Variants in FRY observed in about 807,000 individuals in gnomAD.
FRY encodes the protein FRY microtubule binding protein, also known as protein furry homolog.
In FRY, 128 loss-of-function variants were observed where a neutral mutation model predicts 348.4. That is an observed-to-expected ratio of 0.37 (90% CI 0.32 to 0.43). The LOEUF (loss-of-function observed/expected upper bound fraction) is 0.43. Ranked by LOEUF, FRY falls within the 20% of genes least tolerant of loss-of-function variation. FRY has a pLI of 1.00. For missense variants in FRY, 2,736 were observed against 3,695.2 expected, an observed-to-expected ratio of 0.74 and a Z score of 6.73; for synonymous variants, 1,370 against 1,374.7, an observed-to-expected ratio of 1.00 and a Z score of 0.08.
intron 51 of FRY, among the ~76,000 whole-genome samples, chr13:32,255,999 G>A (rs1239464642): frequency 6.6e-6 from 1 of 152,158 alleles, no homozygotes; most frequent in Non-Finnish European, 1.5e-5. Context: ...GACCTAGCAG[G>A]AATGATGTAA....
intron 17 of FRY, among the ~76,000 whole-genome samples, chr13:32,170,553 C>T (rs57935435): frequency 0.15 from 23,460 of 152,068 alleles, 2,009 homozygotes; most frequent in African/African-American, 0.24. Flanking sequence ...TTTTGTTTTT[C>T]TGAGATGGAG....
chr13:32,072,255 A>G (rs1874708676), intron 1 of FRY, among the ~76,000 whole-genome samples: 1 of 152,356 alleles, frequency 6.6e-6, no homozygotes, highest in South Asian at 2.1e-4. Context: ...TTTTATGGAA[A>G]TTAATCAGAA....
intron 36 of FRY, among the ~76,000 whole-genome samples, chr13:32,220,338 A>G (rs999396531): frequency 6.6e-6 from 1 of 152,246 alleles, no homozygotes; most frequent in African/African-American, 2.4e-5. Flanking sequence ...AGGCGTGTCT[A>G]GAATCCATAT....
intron 3 of FRY, among the ~76,000 whole-genome samples, chr13:32,112,048 C>T (rs1877999306): frequency 6.6e-6 from 1 of 152,194 alleles, no homozygotes. Context: ...AATGGGAACA[C>T]AAACTAAGTT....
At position 32,044,473 on chromosome 13, in the gene FRY, G is replaced by A. The variant is rs563595504; in HGVS notation, c.70+12608G>A. ...TTTAAACTTCCTTACATCCTATTGA[G>A]GCAAATACCATTTTGTAGAATAAAA... is the stretch of plus-strand genomic sequence containing the variant. On this transcript the variant is annotated intron_variant, in intron 1 of 60. Coordinates refer to ENST00000542859, the MANE Select transcript of FRY (RefSeq NM_023037.3). Among the ~76,000 whole-genome samples, 15 of 152,256 alleles carry A rather than the reference G, an allele frequency of 9.9e-5. No homozygotes were observed. The South Asian group carries it at 3.1e-3, about 32-fold the overall frequency.
At chr13:32,163,477 G>A (rs886911531) in intron 17 of FRY, among the ~76,000 whole-genome samples, 1 of 152,158 alleles carries the variant, frequency 6.6e-6, no homozygotes, top group Admixed American at 6.5e-5. Context: ...CTGTTGCGAG[G>A]GCTAGATGAC....
chr13:32,061,907 G>T (rs190864554), intron 1 of FRY, among the ~76,000 whole-genome samples: 1 of 152,110 alleles, frequency 6.6e-6, no homozygotes, highest in African/African-American at 2.4e-5. Flanking sequence ...TTTGGATATC[G>T]GCTCTTTAAT....
intron 31 of FRY, among the ~76,000 whole-genome samples, chr13:32,204,719 A>G (rs1884252212): frequency 6.6e-6 from 1 of 152,244 alleles, no homozygotes; most frequent in African/African-American, 2.4e-5. Flanking sequence ...AATACCAGAA[A>G]CAGTGGAGAG....
chr13:32,225,276 C>G (rs1885524056), intron 38 of FRY, among the ~76,000 whole-genome samples: 1 of 152,196 alleles, frequency 6.6e-6, no homozygotes, highest in African/African-American at 2.4e-5. Context: ...GCCACATCTA[C>G]AAATATATCC....
chr13:32,069,862 C>G (rs1416203434), intron 1 of FRY, among the ~76,000 whole-genome samples: 3 of 150,548 alleles, frequency 2.0e-5, no homozygotes, highest in Admixed American at 2.0e-4. Context: ...ATCCCTCCCC[C>G]AGACCCCCAC....
chr13:32,059,592 G>A (rs1234839923), intron 1 of FRY, among the ~76,000 whole-genome samples: 4 of 151,442 alleles, frequency 2.6e-5, no homozygotes, highest in South Asian at 2.1e-4. Context: ...TGTGTTACAT[G>A]GTGATATTGT....
At chr13:32,229,285 T>C (rs557384150) in intron 40 of FRY, among the ~76,000 whole-genome samples, 2 of 152,352 alleles carry the variant, frequency 1.3e-5, no homozygotes, top group Non-Finnish European at 2.9e-5. Flanking sequence ...TGCGGTCTGG[T>C]AGTTGTGTAA....
In FRY at chr13:32,099,321, T is replaced by G. The variant is rs140769227; in HGVS notation, c.271-2642T>G. ...TGTGTATTCATCTAAAATACAGAGA[T>G]ATATATATATACACACACACATACA... is the stretch of plus-strand genomic sequence containing the variant. On this transcript the variant is annotated intron_variant, in intron 2 of 60. Transcript: ENST00000542859. Among the ~76,000 whole-genome samples, 57 of 151,444 alleles carry G rather than the reference T, an allele frequency of 3.8e-4. 1 individual carries two copies. In the East Asian group the frequency reaches 6.6e-3, roughly 17 times the overall value.
chr13:32,289,987 T>C (rs915145255), intron 59 of FRY, among the ~76,000 whole-genome samples: 1 of 152,188 alleles, frequency 6.6e-6, no homozygotes, highest in African/African-American at 2.4e-5. Context: ...GGAAGGAACC[T>C]TCTGTGGGTT....
intron 35 of FRY, among the ~76,000 whole-genome samples, chr13:32,213,486 A>G (rs1287171927): frequency 6.6e-6 from 1 of 152,258 alleles, no homozygotes; most frequent in Admixed American, 6.5e-5. Flanking sequence ...TTCTCTAATA[A>G]AGCCTTTTAT....
chr13:32,263,572 G>T (rs1320467827), intron 53 of FRY, among the ~76,000 whole-genome samples: 2 of 152,078 alleles, frequency 1.3e-5, no homozygotes, highest in African/African-American at 4.8e-5. Context: ...AGTTGTCTAA[G>T]TTAAAATTCT....
Position 32,274,429 on chromosome 13 carries a change from C to G in FRY, c.8137-413C>G, listed in dbSNP as rs185559913. Among the ~76,000 whole-genome samples, 84 of 152,172 alleles carry G rather than the reference C, an allele frequency of 5.5e-4. 1 individual carries two copies. Among genetic ancestry groups the G allele is most frequent in the Admixed American group, 3.9e-4 (6 of 15,296 alleles). On this transcript the variant is annotated intron_variant, in intron 55 of 60. Coordinates refer to ENST00000542859, the MANE Select transcript of FRY (RefSeq NM_023037.3). ...TTATGTCAAGTAAAAAAATCAGGGC[C>G]AGACGCAGTGGCTCACACCTGTAAT...
intron 3 of FRY, among the ~76,000 whole-genome samples, chr13:32,110,577 T>A (rs1877891454): frequency 6.6e-6 from 1 of 152,002 alleles, no homozygotes; most frequent in African/African-American, 2.4e-5. Flanking sequence ...TAGATACAGT[T>A]ACTCTCAGAA....
chr13:32,073,957 G>C (rs1284171358), intron 1 of FRY, among the ~76,000 whole-genome samples: 1 of 152,082 alleles, frequency 6.6e-6, no homozygotes, highest in Non-Finnish European at 1.5e-5. Context: ...TGGAAATGTT[G>C]GTAACTTAGG....
Sources: gnomAD v4.1 joint callset for allele counts (sites outside exome capture counted in the v4.1 genomes callset) on GRCh38, gnomAD v4.1.1 for gene constraint, MANE v1.5 for transcripts, NCBI Gene and HGNC (gene_info 2026-07-23, HGNC 2026-07-21) for gene names.